DOCK3: variants seen among roughly 807,000 people sequenced by gnomAD.
DOCK3 encodes the protein dedicator of cytokinesis 3.
A neutral mutation model predicts 265.6 loss-of-function variants in DOCK3; 60 were observed. The observed-to-expected ratio is 0.23, with a 90% CI of 0.18 to 0.28. The LOEUF is 0.28. DOCK3 is among the 10% of genes least tolerant of loss of function. DOCK3 has a pLI of 1.00. For synonymous variants in DOCK3, 881 were observed against 938.0 expected, an observed-to-expected ratio of 0.94 and a Z score of 1.11; for missense variants, 1,981 against 2,594.3, an observed-to-expected ratio of 0.76 and a Z score of 5.14.
At chr3:50,893,930 A>G (rs2048765254) in intron 4 of DOCK3, among the ~76,000 whole-genome samples, 1 of 138,180 alleles carries the variant, frequency 7.2e-6, no homozygotes, top group South Asian at 2.3e-4. Context: ...TAATGAGAAC[A>G]TTGGGACACA....
intron 9 of DOCK3, among the ~76,000 whole-genome samples, chr3:51,103,138 A>G (rs1288300846): frequency 6.6e-6 from 1 of 152,242 alleles, no homozygotes; most frequent in East Asian, 1.9e-4. Context: ...ATATAAAACG[A>G]TATCTTTTTC....
At position 51,381,518 on chromosome 3, in the gene DOCK3, C is replaced by G. The variant is rs1553618770; in HGVS notation, c.6052C>G (p.Gln2018Glu). 3.2e-6 allele frequency: 5 copies of G among 1,574,266 alleles called. No individual in the cohort carries two copies. In the Admixed American group the frequency reaches 5.5e-5, roughly 17 times the overall value. Residue 2018 changes from glutamine to glutamate, a missense_variant, in exon 53 of 53, where the codon CAG becomes GAG. Gln to Glu is a conservative substitution (Grantham distance 29). Coordinates refer to ENST00000266037, the MANE Select transcript of DOCK3 (RefSeq NM_004947.5). This position sits in a 1 kb window ranked among gnomAD's most constrained non-coding sequence, Gnocchi z 5.6. The part of the protein sequence containing the change: ...PLPPGSAKEE[Q>E]ARMAWEHGRG... ...GCCTCCTGGGAGCGCTAAGGAGGAG[C>G]AGGCCCGCATGGCCTGGGAGCACGG...
intron 2 of DOCK3, chr3:50,787,647 C>G (rs543296087): frequency 2.4e-5 from 31 of 1,301,382 alleles, no homozygotes; most frequent in Middle Eastern, 3.8e-4. Flanking sequence ...CTGCACTCTT[C>G]CTGCAACCTC....
intron 12 of DOCK3, among the ~76,000 whole-genome samples, chr3:51,206,050 C>T (rs961119489): frequency 1.3e-5 from 2 of 152,204 alleles, no homozygotes; most frequent in African/African-American, 4.8e-5. Context: ...TATGACCATT[C>T]ATTTTTCCTT....
At position 51,225,716 on chromosome 3, in the gene DOCK3, A is replaced by G. The variant is rs2090300275; in HGVS notation, c.1320A>G (p.Val440=). 1 of 1,613,726 alleles carries G rather than the reference A, an allele frequency of 6.2e-7. No individual in the cohort carries two copies. The highest frequency in any genetic ancestry group is 8.5e-7 in the Non-Finnish European group (1 of 1,179,744). ...ATTTCGAGAGAGGAGGAAAGAGTGT[A>G]CAAAAGAATATTGAAGTGACCATGT... ...KGDFERGGKS[V]QKNIEVTMYV... Residue 440 remains valine, a synonymous_variant, in exon 15 of 53, where the codon GTA becomes GTG. Transcript: ENST00000266037.
At chr3:51,062,950 C>T (rs968998569) in intron 5 of DOCK3, among the ~76,000 whole-genome samples, 1 of 152,164 alleles carries the variant, frequency 6.6e-6, no homozygotes, top group African/African-American at 2.4e-5. Flanking sequence ...TGTGAGTTCT[C>T]ACCTTTTTCC....
chr3:50,867,211 G>A (rs1598927), intron 3 of DOCK3, among the ~76,000 whole-genome samples: 23,444 of 151,944 alleles, frequency 0.15, 2,148 homozygotes, highest in African/African-American at 0.24. Flanking sequence ...TACTTTTTGA[G>A]TTTCTTTTTT....
At chr3:51,087,654 A>G (rs1486350645) in intron 7 of DOCK3, among the ~76,000 whole-genome samples, 1 of 152,230 alleles carries the variant, frequency 6.6e-6, no homozygotes, top group Non-Finnish European at 1.5e-5. Flanking sequence ...AGAGAAAGAA[A>G]TAAAAGGCAT....
At chr3:51,093,170 T>C (rs1305501495) in intron 9 of DOCK3, among the ~76,000 whole-genome samples, 6 of 152,194 alleles carry the variant, frequency 3.9e-5, no homozygotes. Context: ...AGGCTCTTTT[T>C]TGGTTCCATA....
chr3:51,084,197 A>G (rs78973717), intron 7 of DOCK3, among the ~76,000 whole-genome samples: 3,793 of 152,232 alleles, frequency 0.025, 182 homozygotes, highest in African/African-American at 0.087. Flanking sequence ...AAACTTCACA[A>G]GTCTTGCAAG....
rs531755635 is a variant in DOCK3 at position 50,736,887 on chromosome 3, G to A, written c.38-41788G>A. On this transcript the variant is annotated intron_variant, in intron 1 of 52. Transcript: ENST00000266037. Reference sequence around the variant, plus strand: ...AATTTTTTGTATTTTTAGTAGAGACGGGGTTTCACCGTGTTAGGATGGTCT... The same window carrying A: ...AATTTTTTGTATTTTTAGTAGAGACAGGGTTTCACCGTGTTAGGATGGTCT... 6.6e-5 allele frequency among the ~76,000 whole-genome samples: 10 copies of A among 150,896 alleles called. No individual in the cohort carries two copies. The East Asian group carries it at 1.8e-3, about 27-fold the overall frequency.
In DOCK3 at chr3:51,245,846, A is replaced by G. The variant is rs202008562; in HGVS notation, c.2103-880A>G. Among the ~76,000 whole-genome samples, 4 of 152,334 alleles carry G rather than the reference A, an allele frequency of 2.6e-5. No homozygotes were observed. In the East Asian group the frequency reaches 7.7e-4, roughly 29 times the overall value. ...TGTGCTTTATATGCGTCTTTCTATT[A>G]GTATTTGTGATAACTTTGAGATGTA... On this transcript the variant is annotated intron_variant, in intron 21 of 52. Transcript: ENST00000266037.
chr3:50,884,383 G>A (rs1037673847), intron 3 of DOCK3, among the ~76,000 whole-genome samples: 2 of 152,168 alleles, frequency 1.3e-5, no homozygotes, highest in African/African-American at 4.8e-5. Flanking sequence ...GAGCCACCAT[G>A]CCTGGCTGGA....
chr3:50,735,270 T>C (rs2038516462), intron 1 of DOCK3, among the ~76,000 whole-genome samples: 1 of 152,236 alleles, frequency 6.6e-6, no homozygotes, highest in South Asian at 2.1e-4. Context: ...ATAATGTGCC[T>C]CACTGAAGAT....
chr3:50,951,285 T>G (rs1157677890), intron 5 of DOCK3, among the ~76,000 whole-genome samples: 1 of 152,198 alleles, frequency 6.6e-6, no homozygotes, highest in Non-Finnish European at 1.5e-5. Context: ...TAGATAATAG[T>G]TGATGGATGT....
intron 12 of DOCK3, among the ~76,000 whole-genome samples, chr3:51,182,338 C>T (rs1279844827): frequency 6.6e-5 from 10 of 152,090 alleles, no homozygotes; most frequent in Non-Finnish European, 1.3e-4. Context: ...GGTACCTGGC[C>T]GATTAGGAAG....
At chr3:51,183,395 G>C (rs564057970) in intron 12 of DOCK3, among the ~76,000 whole-genome samples, 2 of 152,210 alleles carry the variant, frequency 1.3e-5, no homozygotes, top group East Asian at 3.9e-4. Context: ...TCAAGAGTGA[G>C]AAGAAGAGCT....
intron 23 of DOCK3, among the ~76,000 whole-genome samples, chr3:51,260,938 C>G (rs531390765): frequency 4.2e-4 from 64 of 151,710 alleles, no homozygotes; most frequent in South Asian, 1.5e-3. Context: ...GAGCCAAGAT[C>G]GCACCACTGC....
chr3:51,251,399 T>G (rs1227241306), intron 22 of DOCK3, among the ~76,000 whole-genome samples: 1 of 152,230 alleles, frequency 6.6e-6, no homozygotes, highest in Non-Finnish European at 1.5e-5. Context: ...TGGGATGGCT[T>G]GGGCAAATGG....
Sources: gnomAD v4.1 joint callset for allele counts (sites outside exome capture counted in the v4.1 genomes callset) on GRCh38, gnomAD v4.1.1 for gene constraint, Gnocchi (gnomAD v3.1) non-coding constraint, MANE v1.5 for transcripts, NCBI Gene and HGNC (gene_info 2026-07-23, HGNC 2026-07-21) for gene names.